Variants in LDLRAD2 observed in about 807,000 individuals in gnomAD.
LDLRAD2 encodes low-density lipoprotein receptor class A domain-containing protein 2.
Under a neutral mutation model 24.9 loss-of-function variants are expected in LDLRAD2, and 25 were observed. That is an observed-to-expected ratio of 1.00 (90% CI 0.73 to 1.40). The LOEUF (loss-of-function observed/expected upper bound fraction) is 1.40. Ranked by LOEUF, LDLRAD2 falls within the 40% of genes most tolerant of loss-of-function variation. LDLRAD2 has a pLI of 0.00. For synonymous variants in LDLRAD2, 182 were observed against 166.7 expected (o/e 1.09, Z -0.71); for missense variants, 391 against 366.2 (o/e 1.07, Z -0.55).
At chr1:21,812,856 C>T (rs534304988) in intron 1 of LDLRAD2, among the ~76,000 whole-genome samples, 2 of 152,198 alleles carry the variant, frequency 1.3e-5, no homozygotes, top group African/African-American at 4.8e-5. Flanking sequence ...TATGTTTGTA[C>T]CTTTGAGATC....
At chr1:21,812,628 C>A in intron 1 of LDLRAD2, 92 bp downstream of exon 1, 1 of 1,079,750 alleles carries the variant, frequency 9.3e-7, no homozygotes, top group Non-Finnish European at 1.4e-6. Context: ...ACTCATCCTG[C>A]TGGGCTGAGA....
At chr1:21,819,182 T>C (rs975754302) in intron 3 of LDLRAD2, among the ~76,000 whole-genome samples, 25 of 152,080 alleles carry the variant, frequency 1.6e-4, no homozygotes, top group African/African-American at 6.0e-4. Flanking sequence ...GAGACCAACC[T>C]GACCAACATG....
intron 3 of LDLRAD2, among the ~76,000 whole-genome samples, chr1:21,818,789 A>G (rs1176082982): frequency 6.6e-6 from 1 of 152,042 alleles, no homozygotes; most frequent in East Asian, 1.9e-4. Context: ...AGCAAAGGCA[A>G]AGCCTCGCCC....
At position 21,823,919 on chromosome 1, in the gene LDLRAD2, C is replaced by A; in HGVS notation, c.*1704C>A. ...TCATTTCTGCACCCAGGTTTCCTCC[C>A]ACTCCTGGGGCACTCGCCTGCCCCC... On this transcript the variant is annotated 3_prime_UTR_variant, in exon 5 of 5. Transcript: ENST00000344642. 1 of 728,476 alleles carries A rather than the reference C, an allele frequency of 1.4e-6. No individual in the cohort carries two copies. The highest frequency in any genetic ancestry group is 1.6e-5 in the South Asian group (1 of 61,318). 45.1% of individuals were successfully genotyped at this position (728,476 alleles called of 1,614,324 possible). A position where few individuals can be genotyped will look rare whatever the true frequency, so the allele number is the denominator to read the frequency against.
chr1:21,823,730 A>G lies in LDLRAD2; in HGVS notation c.*1515A>G, dbSNP rs1447582834. The G allele has an allele frequency of 2.5e-6, 4 of 1,609,726 alleles. No homozygotes were observed. Among genetic ancestry groups the G allele is most frequent in the Admixed American group, 1.7e-5 (1 of 59,982 alleles). ...CCTCTGCGGCCCTCCCTGCAGTGGA[A>G]CTGGGTCAGGCCCCTTTCCACAAAC... On this transcript the variant is annotated 3_prime_UTR_variant, in exon 5 of 5. Transcript: ENST00000344642.
rs1235869248 is a variant in LDLRAD2 at position 21,823,554 on chromosome 1, G to A, written c.*1339G>A. On this transcript the variant is annotated 3_prime_UTR_variant, in exon 5 of 5. Transcript: ENST00000344642. ...GCCCAGGAGGCGAGGAAGGCTGGGC[G>A]AGCTCTAGCCCTAAGGGAGTGCCGT... 3.7e-6 allele frequency: 6 copies of A among 1,607,472 alleles called. No homozygotes were observed. The East Asian group carries it at 1.1e-4, about 30-fold the overall frequency.
In LDLRAD2 at chr1:21,823,693, A is replaced by G; in HGVS notation, c.*1478A>G. ...GCCGCTGACCAGCTCCTCACCGTCG[A>G]CTTGGATGGAACCTCTGCGGCCCTC... On this transcript the variant is annotated 3_prime_UTR_variant, in exon 5 of 5. Coordinates refer to ENST00000344642, the MANE Select transcript of LDLRAD2 (RefSeq NM_001013693.3). 6.2e-7 allele frequency: 1 copy of G among 1,613,618 alleles called. No individual in the cohort carries two copies.
chr1:21,817,192 AT>A (rs575449402), intron 3 of LDLRAD2, among the ~76,000 whole-genome samples: 166 of 152,276 alleles, frequency 1.1e-3, no homozygotes, highest in African/African-American at 3.8e-3. Flanking sequence ...CTGCTCTGCC[AT>A]CACCTGGTCT....
rs777552923 is a variant in LDLRAD2, at chr1:21,823,454, G to C, written c.*1239G>C. On this transcript the variant is annotated 3_prime_UTR_variant, in exon 5 of 5. Coordinates refer to ENST00000344642, the MANE Select transcript of LDLRAD2 (RefSeq NM_001013693.3). ...AGCCTGTGATGCCTGAGGAGAATCT[G>C]CCCCCGGTCAGCGTGGCCACGTCAG... The C allele has an allele frequency of 5.0e-5, 79 of 1,594,914 alleles. 1 individual carries two copies. In the Middle Eastern group the frequency reaches 6.6e-4, roughly 13 times the overall value.
intron 3 of LDLRAD2, among the ~76,000 whole-genome samples, chr1:21,820,199 C>CCATTTAA (rs2152678970): frequency 6.6e-6 from 1 of 152,326 alleles, no homozygotes; most frequent in South Asian, 2.1e-4. Flanking sequence ...GTACCCCTAA[C>CCATTTAA]CATGGTTAAA....
chr1:21,818,810 G>C (rs1202531219), intron 3 of LDLRAD2, among the ~76,000 whole-genome samples: 1 of 151,838 alleles, frequency 6.6e-6, no homozygotes, highest in Non-Finnish European at 1.5e-5. Context: ...GGGCTCAAAG[G>C]CCCTGCACGA....
At chr1:21,820,454 C>T (rs543205186) in intron 3 of LDLRAD2, among the ~76,000 whole-genome samples, 1 of 139,378 alleles carries the variant, frequency 7.2e-6, no homozygotes, top group South Asian at 2.4e-4. Flanking sequence ...ACCCGGAAGG[C>T]GGAGCTTGCA....
intron 1 of LDLRAD2, 102 bp downstream of exon 1, chr1:21,812,638 A>G: frequency 2.0e-6 from 2 of 978,740 alleles, no homozygotes; most frequent in Admixed American, 4.2e-5. Flanking sequence ...CTGGGCTGAG[A>G]CCTTTTGAGC....
intron 3 of LDLRAD2, among the ~76,000 whole-genome samples, chr1:21,819,903 C>A (rs1337061324): frequency 6.6e-6 from 1 of 152,180 alleles, no homozygotes; most frequent in African/African-American, 2.4e-5. Flanking sequence ...AAGAAACTTA[C>A]AATCTTGGCA....
rs62642502 is a variant in LDLRAD2, at chr1:21,823,404, G to A, written c.*1189G>A. On this transcript the variant is annotated 3_prime_UTR_variant, in exon 5 of 5. Coordinates refer to ENST00000344642, the MANE Select transcript of LDLRAD2 (RefSeq NM_001013693.3). ...TGGGGGCGGGGCGCCGGGTCGGGCCGAGTGCAGCACCAGGTTCTTGACACA... is the reference window on the plus strand; with the variant it reads ...TGGGGGCGGGGCGCCGGGTCGGGCCAAGTGCAGCACCAGGTTCTTGACACA... 8.5e-4 allele frequency: 1,344 copies of A among 1,573,930 alleles called. 5 individuals carry two copies. The African/African-American group carries it at 8.6e-3, about 10-fold the overall frequency.
In LDLRAD2 at chr1:21,821,555, C is replaced by G. The variant is rs758187902; in HGVS notation, c.749C>G (p.Ala250Gly). Reference protein sequence around the residue: ...LGSAGSLWIAAERSSPAGRDP... With the variant: ...LGSAGSLWIAGERSSPAGRDP... ...TCTGCAGGATCCCTCTGGATTGCAG[C>G]TGAGAGGAGTTCCCCAGCAGGCAGG... The change falls in exon 4 of 5, where the codon GCT becomes GGT. Residue 250 changes from alanine to glycine, a missense_variant. Physicochemically the swap from Ala to Gly is moderately conservative, Grantham distance 60. Coordinates refer to ENST00000344642, the MANE Select transcript of LDLRAD2 (RefSeq NM_001013693.3). 1 of 1,614,028 alleles carries G rather than the reference C, an allele frequency of 6.2e-7. No homozygotes were observed. The highest frequency in any genetic ancestry group is 8.5e-7 in the Non-Finnish European group (1 of 1,180,032).
chr1:21,815,999 G>T lies in LDLRAD2; in HGVS notation c.568G>T (p.Val190Leu). 6 of 1,613,880 alleles carry T rather than the reference G, an allele frequency of 3.7e-6. No homozygotes were observed. The highest frequency in any genetic ancestry group is 4.2e-6 in the Non-Finnish European group (5 of 1,180,012). Residue 190 changes from valine (V) to leucine (L), a missense_variant, in exon 3 of 5, where the codon GTG (valine) becomes TTG (leucine). By Grantham distance (32) the Val-to-Leu change is conservative. Coordinates refer to ENST00000344642, the MANE Select transcript of LDLRAD2 (RefSeq NM_001013693.3). ...TGGCAGGTGCATCCCCTCAAGCCTC[G>T]TGTGTGACCCCTGGGGCATGGACAA... is the stretch of plus-strand genomic sequence containing the variant. ...QNGRCIPSSL[V>L]CDPWGMDNCG...
chr1:21,819,776 T>TA (rs1048901990), intron 3 of LDLRAD2, among the ~76,000 whole-genome samples: 3 of 152,038 alleles, frequency 2.0e-5, no homozygotes, highest in Non-Finnish European at 4.4e-5. Flanking sequence ...CGCATTGCTA[T>TA]AAAAAAACAC....
At chr1:21,816,097 G>T in intron 3 of LDLRAD2, 23 bp downstream of exon 3, 1 of 1,610,132 alleles carries the variant, frequency 6.2e-7, no homozygotes, top group Non-Finnish European at 8.5e-7. Flanking sequence ...TGTGGACTGG[G>T]CCCTACTGAA....
Sources: allele counts gnomAD v4.1 joint callset (sites outside exome capture counted in the v4.1 genomes callset), GRCh38; gene constraint gnomAD v4.1.1; transcripts MANE v1.5; gene names NCBI Gene and HGNC (gene_info 2026-07-23, HGNC 2026-07-21).